Variants in GATA4 observed in about 807,000 individuals in gnomAD.
GATA4 encodes transcription factor GATA-4.
Under a neutral mutation model 37.9 loss-of-function variants are expected in GATA4, and 7 were observed. The observed-to-expected ratio is 0.18, with a 90% CI of 0.11 to 0.35. The LOEUF (loss-of-function observed/expected upper bound fraction) is 0.35. Ranked by LOEUF, GATA4 falls within the 10% of genes least tolerant of loss-of-function variation. The probability of loss-of-function intolerance (pLI) is 1.00; values close to 1 mark genes in which losing one functional copy is unlikely to be tolerated. For synonymous variants in GATA4, 372 were observed against 292.6 expected (o/e 1.27, Z -2.77); for missense variants, 647 against 653.0 (o/e 0.99, Z 0.10).
intron 2 of GATA4, among the ~76,000 whole-genome samples, chr8:11,742,513 C>T (rs572292840): frequency 6.6e-6 from 1 of 152,190 alleles, no homozygotes; most frequent in African/African-American, 2.4e-5. Flanking sequence ...GGTTCTTGTC[C>T]TTTATAAGGG....
intron 2 of GATA4, among the ~76,000 whole-genome samples, chr8:11,722,737 C>G (rs1448824139): frequency 6.6e-6 from 1 of 152,228 alleles, no homozygotes; most frequent in Non-Finnish European, 1.5e-5. Context: ...AATAGGCACA[C>G]TCAGATTCAA....
upstream of GATA4, among the ~76,000 whole-genome samples, chr8:11,688,524 GCACACACACA>G (rs56159918): frequency 1.3e-5 from 2 of 149,530 alleles, no homozygotes; most frequent in African/African-American, 2.5e-5. Context: ...GTGCGCGCAT[GCACACACACA>G]CACACACACA....
chr8:11,708,653 C>T lies in GATA4; in HGVS notation c.341C>T (p.Thr114Ile). The T allele has an allele frequency of 2.3e-6, 3 of 1,315,190 alleles. No individual in the cohort carries two copies. The highest frequency in any genetic ancestry group is 1.9e-6 in the Non-Finnish European group (2 of 1,033,980). The allele number at this position is 1,315,190 out of a possible 1,614,324, so 81.5% of individuals were successfully genotyped here. The change falls in exon 2 of 7, where the codon ACC becomes ATC. Residue 114 changes from threonine to isoleucine, a missense_variant. Physicochemically the swap from Thr to Ile is moderately conservative, Grantham distance 89 (BLOSUM62 -1). Around this residue, in one of 5 missense-constraint regions of GATA4, gnomAD observed 379 missense variants for 334.5 expected, o/e 1.13. Coordinates refer to ENST00000532059, the MANE Select transcript of GATA4 (RefSeq NM_001308093.3). The surrounding 1 kb of genome is among the most constrained non-coding windows in gnomAD (Gnocchi z 6.7). ...VSPRFSFPGT[T>I]GSLAAAAAAA... ...CCGCGCTTCTCCTTCCCGGGGACCA[C>T]CGGGTCCCTGGCGGCCGCCGCCGCC... is the stretch of plus-strand genomic sequence containing the variant.
At chr8:11,681,212 G>A in intron 1 of GATA4, 3 of 985,404 alleles carry the variant, frequency 3.0e-6, no homozygotes, top group Non-Finnish European at 3.6e-6. Flanking sequence ...GGGATCTGGA[G>A]GCAGAGATTT....
chr8:11,753,165 C>T (rs11784693), intron 4 of GATA4, among the ~76,000 whole-genome samples: 37,590 of 152,010 alleles, frequency 0.25, 4,980 homozygotes, highest in Middle Eastern at 0.3. Flanking sequence ...CAAGTGTCCA[C>T]GGAGAAATGA....
chr8:11,753,872 G>A (rs1802425480), intron 4 of GATA4, among the ~76,000 whole-genome samples: 1 of 152,172 alleles, frequency 6.6e-6, no homozygotes, highest in Non-Finnish European at 1.5e-5. Context: ...TAGAAAAGGG[G>A]CTAAAAGATT....
chr8:11,712,690 T>TAAAC (rs1800245928), intron 2 of GATA4, among the ~76,000 whole-genome samples: 1 of 93,012 alleles, frequency 1.1e-5, no homozygotes. Context: ...ACCACATCTC[T>TAAAC]AAAAAAAAAA....
intron 1 of GATA4, among the ~76,000 whole-genome samples, chr8:11,686,232 T>A (rs1157215216): frequency 1.7e-4 from 25 of 149,454 alleles, no homozygotes; most frequent in African/African-American, 2.0e-4. Context: ...TTTTTTTTAA[T>A]CTTAATGTAG....
intron 1 of GATA4, among the ~76,000 whole-genome samples, chr8:11,683,849 C>G (rs926949668): frequency 1.3e-5 from 2 of 152,230 alleles, no homozygotes; most frequent in Admixed American, 1.3e-4. Flanking sequence ...TACCTGTACT[C>G]TCTGCCAGCT....
At chr8:11,685,809 G>A (rs1005453315) in intron 1 of GATA4, among the ~76,000 whole-genome samples, 4 of 152,192 alleles carry the variant, frequency 2.6e-5, no homozygotes, top group African/African-American at 9.7e-5. Flanking sequence ...GTGGTGGGAT[G>A]TGAGGCCAGG....
chr8:11,718,153 G>A (rs1800518000), intron 2 of GATA4, among the ~76,000 whole-genome samples: 1 of 152,220 alleles, frequency 6.6e-6, no homozygotes, highest in Non-Finnish European at 1.5e-5. Context: ...ATGGGGCATG[G>A]ATCAAGACAA....
upstream of GATA4, among the ~76,000 whole-genome samples, chr8:11,703,452 G>T (rs577727978): frequency 3.9e-5 from 6 of 152,048 alleles, no homozygotes; most frequent in Non-Finnish European, 8.8e-5. Flanking sequence ...CCCCTGGACC[G>T]CCTGGCTCCC....
chr8:11,744,847 T>C (rs1029862915), intron 2 of GATA4, among the ~76,000 whole-genome samples: 1 of 152,206 alleles, frequency 6.6e-6, no homozygotes, highest in Admixed American at 6.5e-5. Context: ...GGGACTTCTA[T>C]GCTGGTGGGA....
intron 2 of GATA4, among the ~76,000 whole-genome samples, chr8:11,728,929 A>G (rs73537900): frequency 2.1e-4 from 32 of 152,302 alleles, no homozygotes; most frequent in African/African-American, 7.2e-4. Context: ...TAGCTTTAGA[A>G]TAGTTTAAAG....
chr8:11,738,317 C>G (rs1338768126), intron 2 of GATA4, among the ~76,000 whole-genome samples: 3 of 151,834 alleles, frequency 2.0e-5, no homozygotes, highest in East Asian at 3.9e-4. Context: ...TGGAAACAAC[C>G]AGCATGATCA....
chr8:11,713,265 G>A (rs770575609), intron 2 of GATA4, among the ~76,000 whole-genome samples: 15 of 152,170 alleles, frequency 9.9e-5, no homozygotes, highest in Non-Finnish European at 1.9e-4. Context: ...TATGAGCTAC[G>A]ACCCTAAGAC....
In GATA4 at chr8:11,677,381, A is replaced by G. The variant is rs146463498; in HGVS notation, c.-274+318A>G. On this transcript the variant is annotated intron_variant, in intron 1 of 6. Transcript: ENST00000528712. Reference sequence around the variant, plus strand: ...GGCATTTTAGTTTCTCTATTTCCCGATTCAGCTTCCCACTCCAACAACTGG... The same window carrying G: ...GGCATTTTAGTTTCTCTATTTCCCGGTTCAGCTTCCCACTCCAACAACTGG... Among the ~76,000 whole-genome samples the G allele has an allele frequency of 1.3e-3, 191 of 152,226 alleles. 3 individuals carry two copies. The highest frequency in any genetic ancestry group is 2.4e-3 in the Non-Finnish European group (160 of 68,016).
intron 2 of GATA4, among the ~76,000 whole-genome samples, chr8:11,741,444 A>T (rs1374580016): frequency 6.6e-6 from 1 of 151,810 alleles, no homozygotes; most frequent in Non-Finnish European, 1.5e-5. Flanking sequence ...GAGCTGCTGG[A>T]CTCCAGCCTG....
chr8:11,699,637 C>G (rs531433269), upstream of GATA4, among the ~76,000 whole-genome samples: 1 of 152,374 alleles, frequency 6.6e-6, no homozygotes. Context: ...AGCGCTGGCG[C>G]TCCTCAACCT....
Sources: gnomAD v4.1 joint callset for allele counts (sites outside exome capture counted in the v4.1 genomes callset) on GRCh38, gnomAD v4.1.1 for gene constraint, gnomAD v4.1.1 regional missense constraint, Gnocchi (gnomAD v3.1) non-coding constraint, MANE v1.5 for transcripts, NCBI Gene and HGNC (gene_info 2026-07-23, HGNC 2026-07-21) for gene names.